HECW2: variants seen among roughly 807,000 people sequenced by gnomAD.
HECW2 encodes HECT, C2 and WW domain containing E3 ubiquitin protein ligase 2.
In HECW2, 61 loss-of-function variants were observed where a neutral mutation model predicts 175.2. That is an observed-to-expected ratio of 0.35 (90% CI 0.28 to 0.43). The LOEUF (loss-of-function observed/expected upper bound fraction) is 0.43. Among genes scored for constraint, HECW2 ranks in the 20% least tolerant of loss-of-function variants. HECW2 has a pLI of 1.00. For synonymous variants in HECW2, 671 were observed against 731.0 expected (o/e 0.92, Z 1.32); for missense variants, 1,524 against 2,000.5 (o/e 0.76, Z 4.54).
chr2:196,385,141 G>A (rs886247910), intron 2 of HECW2, among the ~76,000 whole-genome samples: 1 of 151,888 alleles, frequency 6.6e-6, no homozygotes, highest in African/African-American at 2.4e-5. Flanking sequence ...TGAACTCCTG[G>A]GCTCAAGCAA....
chr2:196,220,710 G>T, intron 25 of HECW2, 85 bp downstream of exon 25: 2 of 1,375,878 alleles, frequency 1.5e-6, no homozygotes, highest in Non-Finnish European at 2.0e-6. Context: ...AGCAGAAATA[G>T]TCTACACATG....
chr2:196,521,071 T>C (rs1688354185), intron 1 of HECW2, among the ~76,000 whole-genome samples: 1 of 152,064 alleles, frequency 6.6e-6, no homozygotes, highest in African/African-American at 2.4e-5. Flanking sequence ...TCATTTCATC[T>C]TCACAACAAG....
At chr2:196,267,982 A>G (rs1689580562) in intron 17 of HECW2, among the ~76,000 whole-genome samples, 2 of 152,314 alleles carry the variant, frequency 1.3e-5, no homozygotes, top group African/African-American at 2.4e-5. Flanking sequence ...TGACACATAG[A>G]TTACTGAGTG....
chr2:196,577,882 G>A (rs1357993349), intron 1 of HECW2, among the ~76,000 whole-genome samples: 5 of 152,002 alleles, frequency 3.3e-5, no homozygotes, highest in Admixed American at 6.6e-5. Context: ...CAACAACAAC[G>A]AGCAACAATA....
chr2:196,551,904 T>G (rs948435872), intron 1 of HECW2, among the ~76,000 whole-genome samples: 1 of 152,216 alleles, frequency 6.6e-6, no homozygotes, highest in Non-Finnish European at 1.5e-5. Context: ...GCTGACCTTC[T>G]TCATATGCAA....
intron 26 of HECW2, among the ~76,000 whole-genome samples, chr2:196,218,784 G>C (rs1296008962): frequency 1.3e-5 from 2 of 152,150 alleles, no homozygotes; most frequent in African/African-American, 4.8e-5. Context: ...CAGAGAAATT[G>C]TGCTCTCAGT....
At position 196,256,334 on chromosome 2, in the gene HECW2, T is replaced by C. The variant is rs571447914; in HGVS notation, c.3419+1489A>G. ...CATTAGCTTTACAGAACCTGCTTAT[T>C]TTCCCAAAGAGGAGAAAATGCAGCC... is the stretch of plus-strand genomic sequence containing the variant. On this transcript the variant is annotated intron_variant, in intron 18 of 28. Transcript: ENST00000644978. Among the ~76,000 whole-genome samples the C allele has an allele frequency of 1.1e-4, 16 of 152,284 alleles. No individual in the cohort carries two copies. In the South Asian group the frequency reaches 1.4e-3, roughly 14 times the overall value.
At position 196,197,531 on chromosome 2, in the gene HECW2, A is replaced by C. The variant is rs1295428195; in HGVS notation, c.*3746T>G. The C allele has an allele frequency of 6.6e-6, 1 of 152,122 alleles. No homozygotes were observed. Among genetic ancestry groups the C allele is most frequent in the Non-Finnish European group, 1.5e-5 (1 of 68,038 alleles). The allele number at this position is 152,122 out of a possible 1,614,324, so 9.4% of individuals were successfully genotyped here. ...TCTCATGTCAAGTCATGAAATGCAA[A>C]TAAGTCTACGGGGAAATTTTTTCCA... On this transcript the variant is annotated 3_prime_UTR_variant, in exon 29 of 29. Coordinates refer to ENST00000644978, the MANE Select transcript of HECW2 (RefSeq NM_001348768.2).
intron 1 of HECW2, among the ~76,000 whole-genome samples, chr2:196,499,117 C>T (rs998262472): frequency 1.1e-3 from 162 of 152,150 alleles, no homozygotes; most frequent in African/African-American, 3.8e-3. Flanking sequence ...CATCTCCTTG[C>T]TCAGCTTGCC....
chr2:196,474,708 C>G (rs1686492673), intron 1 of HECW2, among the ~76,000 whole-genome samples: 1 of 152,310 alleles, frequency 6.6e-6, no homozygotes, highest in South Asian at 2.1e-4. Flanking sequence ...CTCATTCTAT[C>G]TCCATTGCCA....
At chr2:196,470,390 T>A (rs1477369517) in intron 1 of HECW2, among the ~76,000 whole-genome samples, 1 of 152,212 alleles carries the variant, frequency 6.6e-6, no homozygotes, top group Non-Finnish European at 1.5e-5. Flanking sequence ...CTGCTAAATT[T>A]AGGGATATTT....
At chr2:196,439,522 C>T (rs965731286) in intron 1 of HECW2, among the ~76,000 whole-genome samples, 2 of 152,104 alleles carry the variant, frequency 1.3e-5, no homozygotes, top group African/African-American at 4.8e-5. Flanking sequence ...GAAACTCAAC[C>T]GTAGCTTTTA....
At chr2:196,580,641 C>A (rs1005362769) in intron 1 of HECW2, among the ~76,000 whole-genome samples, 1 of 150,468 alleles carries the variant, frequency 6.6e-6, no homozygotes, top group Non-Finnish European at 1.5e-5. Context: ...CAACTTCACA[C>A]CCGCTACAAT....
chr2:196,250,958 G>A (rs1688830184), intron 19 of HECW2, among the ~76,000 whole-genome samples: 1 of 152,160 alleles, frequency 6.6e-6, no homozygotes, highest in Admixed American at 6.5e-5. Flanking sequence ...TTACTTCACA[G>A]AACCTGCTTT....
intron 2 of HECW2, among the ~76,000 whole-genome samples, chr2:196,420,282 G>A (rs534637764): frequency 6.6e-6 from 1 of 152,164 alleles, no homozygotes; most frequent in Admixed American, 6.5e-5. Context: ...CTACTGTGAG[G>A]CAAGTCTGTA....
intron 10 of HECW2, among the ~76,000 whole-genome samples, chr2:196,309,952 G>A (rs72923373): frequency 0.07 from 10,670 of 152,154 alleles, 435 homozygotes; most frequent in East Asian, 0.13. Flanking sequence ...TCTCAAAGAT[G>A]GAATTTTTTC....
chr2:196,453,482 GAGAGTATTGTAATTAGGA>G (rs1407231602), intron 1 of HECW2, among the ~76,000 whole-genome samples: 2 of 152,166 alleles, frequency 1.3e-5, no homozygotes, highest in East Asian at 3.9e-4. Context: ...ACTTAGGAAG[GAGAGTATTGTAATTAGGA>G]AGAGTATTGT....
At chr2:196,394,524 C>A (rs1380997618) in intron 2 of HECW2, among the ~76,000 whole-genome samples, 7 of 152,026 alleles carry the variant, frequency 4.6e-5, no homozygotes, top group Admixed American at 4.6e-4. Flanking sequence ...AAACATCCCC[C>A]CTTTAGAGAG....
intron 1 of HECW2, among the ~76,000 whole-genome samples, chr2:196,567,679 G>A (rs1209499196): frequency 6.6e-6 from 1 of 152,228 alleles, no homozygotes; most frequent in East Asian, 1.9e-4. Flanking sequence ...ATTATCTAAC[G>A]CTGATATGGG....
Sources: gnomAD v4.1 joint callset for allele counts (sites outside exome capture counted in the v4.1 genomes callset) on GRCh38, gnomAD v4.1.1 for gene constraint, MANE v1.5 for transcripts, NCBI Gene and HGNC (gene_info 2026-07-23, HGNC 2026-07-21) for gene names.